PTCHD4: variants seen among roughly 807,000 people sequenced by gnomAD.
PTCHD4 encodes the protein patched domain-containing protein 4.
In PTCHD4, 33 loss-of-function variants were observed where a neutral mutation model predicts 58.1. That is an observed-to-expected ratio of 0.57 (90% CI 0.43 to 0.76). The LOEUF is 0.76. Among genes scored for constraint, PTCHD4 ranks in the 30% least tolerant of loss-of-function variants. PTCHD4 has a pLI of 0.00. For synonymous variants in PTCHD4, 478 were observed against 409.6 expected (o/e 1.17, Z -2.02); for missense variants, 1,058 against 1,027.1 (o/e 1.03, Z -0.41).
At chr6:47,910,717 C>T (rs1029175021) in intron 4 of PTCHD4, among the ~76,000 whole-genome samples, 3 of 152,058 alleles carry the variant, frequency 2.0e-5, no homozygotes, top group Non-Finnish European at 2.9e-5. Context: ...ATCCATTGTT[C>T]CAAGAGACGT....
intron 4 of PTCHD4, among the ~76,000 whole-genome samples, chr6:47,940,850 C>T (rs755259546): frequency 1.3e-5 from 2 of 152,130 alleles, no homozygotes; most frequent in Non-Finnish European, 2.9e-5. Context: ...TAGGCCATCT[C>T]GAGCTAACAG....
chr6:48,016,194 C>T (rs571591125), intron 3 of PTCHD4, among the ~76,000 whole-genome samples: 4 of 151,900 alleles, frequency 2.6e-5, no homozygotes, highest in Non-Finnish European at 4.4e-5. Context: ...TGTATCATGG[C>T]CCGCAGGCAA....
chr6:48,106,703 C>T (rs1765733237), intron 1 of PTCHD4, among the ~76,000 whole-genome samples: 1 of 152,152 alleles, frequency 6.6e-6, no homozygotes, highest in Admixed American at 6.5e-5. Flanking sequence ...CTAGAAAACC[C>T]CATTGTCTCA....
At chr6:47,913,436 T>C (rs555989357) in intron 4 of PTCHD4, among the ~76,000 whole-genome samples, 87 of 152,224 alleles carry the variant, frequency 5.7e-4, no homozygotes, top group African/African-American at 2.0e-3. Context: ...TGAAGCAATG[T>C]GTTTCTCTTT....
At chr6:47,990,842 A>C (rs1768257022) in intron 4 of PTCHD4, among the ~76,000 whole-genome samples, 1 of 152,216 alleles carries the variant, frequency 6.6e-6, no homozygotes, top group Admixed American at 6.5e-5. Context: ...TGTAGAAATA[A>C]AAATCCATTA....
At chr6:47,912,453 C>T (rs1765099526) in intron 4 of PTCHD4, among the ~76,000 whole-genome samples, 1 of 152,112 alleles carries the variant, frequency 6.6e-6, no homozygotes, top group African/African-American at 2.4e-5. Flanking sequence ...CTTTTGGTAT[C>T]CTTGACCATT....
chr6:47,913,867 AG>A (rs1209506349), intron 4 of PTCHD4, among the ~76,000 whole-genome samples: 1 of 152,166 alleles, frequency 6.6e-6, no homozygotes, highest in Non-Finnish European at 1.5e-5. Flanking sequence ...GTTGGAGTTC[AG>A]AAACTTGCTC....
chr6:48,036,244 A>C, intron 3 of PTCHD4, among the ~76,000 whole-genome samples: 1 of 152,086 alleles, frequency 6.6e-6, no homozygotes, highest in Non-Finnish European at 1.5e-5. Flanking sequence ...TGCAAAGACA[A>C]AGAGTTGATG....
intron 1 of PTCHD4, among the ~76,000 whole-genome samples, chr6:48,094,312 A>G (rs1213647124): frequency 6.6e-6 from 1 of 152,222 alleles, no homozygotes; most frequent in Admixed American, 6.5e-5. Flanking sequence ...AAATGAAGAT[A>G]TGAATCACGA....
chr6:48,090,756 T>C (rs1302800433), intron 1 of PTCHD4, among the ~76,000 whole-genome samples: 1 of 152,170 alleles, frequency 6.6e-6, no homozygotes, highest in Non-Finnish European at 1.5e-5. Context: ...AATGTTCAAA[T>C]CATTAAAAGA....
intron 3 of PTCHD4, among the ~76,000 whole-genome samples, chr6:48,017,812 G>A (rs1762917799): frequency 6.6e-6 from 1 of 152,088 alleles, no homozygotes; most frequent in Non-Finnish European, 1.5e-5. Context: ...CCATATATTT[G>A]AATAATTTTT....
chr6:48,025,077 G>A (rs546725557), intron 3 of PTCHD4, among the ~76,000 whole-genome samples: 4 of 152,040 alleles, frequency 2.6e-5, no homozygotes, highest in Non-Finnish European at 4.4e-5. Context: ...CTGTTTCAAT[G>A]CAATATTTCA....
At chr6:48,093,757 A>G (rs879191639) in intron 1 of PTCHD4, among the ~76,000 whole-genome samples, 1 of 152,190 alleles carries the variant, frequency 6.6e-6, no homozygotes, top group Non-Finnish European at 1.5e-5. Context: ...AATGGCGAGG[A>G]AAAGAAGGAA....
At chr6:47,977,435 G>T (rs1767733246) in intron 4 of PTCHD4, among the ~76,000 whole-genome samples, 1 of 152,154 alleles carries the variant, frequency 6.6e-6, no homozygotes, top group African/African-American at 2.4e-5. Flanking sequence ...TTAAGGATAA[G>T]TTCTGGTCAA....
At chr6:47,890,860 A>G in intron 4 of PTCHD4, 1 of 979,658 alleles carries the variant, frequency 1.0e-6, no homozygotes. Context: ...AATAGCCACT[A>G]TCAGGAAGTT....
intron 1 of PTCHD4, among the ~76,000 whole-genome samples, chr6:48,071,359 G>T (rs1314586197): frequency 1.3e-5 from 2 of 152,072 alleles, no homozygotes; most frequent in African/African-American, 4.8e-5. Context: ...AATTATAATG[G>T]CATGGAAATA....
Position 48,014,644 on chromosome 6 carries a change from T to C in PTCHD4, c.418-5530A>G, listed in dbSNP as rs564324814. Among the ~76,000 whole-genome samples, 4 of 152,298 alleles carry C rather than the reference T, an allele frequency of 2.6e-5. No homozygotes were observed. The East Asian group carries it at 7.7e-4, about 29-fold the overall frequency. ...AGTAATTTTCAGCTCTATTTTTCTA[T>C]GAAAATACAATGCATAAAGTTTCAC... On this transcript the variant is annotated intron_variant, in intron 3 of 4. Transcript: ENST00000339488.
intron 3 of PTCHD4, among the ~76,000 whole-genome samples, chr6:48,015,083 C>A (rs932713291): frequency 1.3e-5 from 2 of 152,098 alleles, no homozygotes; most frequent in African/African-American, 4.8e-5. Context: ...TTCTGAAATT[C>A]CTTTAAGTGT....
chr6:48,073,456 A>G (rs572140226), intron 1 of PTCHD4, among the ~76,000 whole-genome samples: 1 of 152,360 alleles, frequency 6.6e-6, no homozygotes, highest in Admixed American at 6.5e-5. Context: ...ATTCACTCAT[A>G]GCAGTATTCA....
Sources: allele counts gnomAD v4.1 joint callset (sites outside exome capture counted in the v4.1 genomes callset), GRCh38; gene constraint gnomAD v4.1.1; transcripts MANE v1.5; gene names NCBI Gene and HGNC (gene_info 2026-07-23, HGNC 2026-07-21).